Variants in AGMAT observed in about 807,000 individuals in gnomAD.
The protein encoded by AGMAT is guanidino acid hydrolase, mitochondrial.
Under a neutral mutation model 29.3 loss-of-function variants are expected in AGMAT, and 37 were observed. That is an observed-to-expected ratio of 1.26 (90% confidence interval 0.97 to 1.66). AGMAT has a LOEUF of 1.66. AGMAT is among the 40% of genes most tolerant of loss of function. The pLI is 0.00. For missense variants in AGMAT, 498 were observed against 497.8 expected, an observed-to-expected ratio of 1.00 and a Z score of 0.00; for synonymous variants, 199 against 200.8, an observed-to-expected ratio of 0.99 and a Z score of 0.08.
At chr1:15,579,160 A>G in intron 3 of AGMAT, 106 bp from the exon 4 acceptor site, 1 of 1,088,106 alleles carries the variant, frequency 9.2e-7, no homozygotes, top group Non-Finnish European at 1.3e-6. Flanking sequence ...CAAAAAGGGG[A>G]GACCTGGCAT....
At position 15,583,223 on chromosome 1, in the gene AGMAT, C is replaced by T. The variant is rs763180313; in HGVS notation, c.445G>A (p.Val149Ile). 3.1e-6 allele frequency: 5 copies of T among 1,614,098 alleles called. No homozygotes were observed. The highest frequency in any genetic ancestry group is 1.1e-5 in the South Asian group (1 of 91,088). ...RRIQEAYEKI[V>I]AAGCIPLTLG... The stretch of plus-strand genomic sequence containing the variant: ...GTCAGAGGAATACAGCCAGCTGCTA[C>T]AATTTTCTCATAGGCCTCTTGAATT... Residue 149 changes from valine (V) to isoleucine (I), a missense_variant, in exon 2 of 7, where the codon GTA becomes ATA. Physicochemically the swap from Val to Ile is conservative, Grantham distance 29. Transcript: ENST00000375826.
Position 15,585,017 on chromosome 1 carries a change from G to A in AGMAT, c.-50C>T, listed in dbSNP as rs1296686879. On this transcript the variant is annotated 5_prime_UTR_variant, in exon 1 of 7. Coordinates refer to ENST00000375826, the MANE Select transcript of AGMAT (RefSeq NM_024758.5). ...CGACCAAACCGCCCGCGAGGCCGCC[G>A]CGATCTGGCTGGTCCCGAACGGCGA... 1 of 1,281,862 alleles carries A rather than the reference G, an allele frequency of 7.8e-7. No individual in the cohort carries two copies. The highest frequency in any genetic ancestry group is 9.8e-7 in the Non-Finnish European group (1 of 1,017,862). The allele number at this position is 1,281,862 out of a possible 1,614,324, so 79.4% of individuals were successfully genotyped here.
chr1:15,574,728 C>T, intron 6 of AGMAT, 29 bp downstream of exon 6: 1 of 1,589,378 alleles, frequency 6.3e-7, no homozygotes, highest in Non-Finnish European at 8.6e-7. Flanking sequence ...ACCGGCTGCC[C>T]ATGGATCTCA....
intron 5 of AGMAT, among the ~76,000 whole-genome samples, chr1:15,576,792 C>T (rs1639046467): frequency 9.5e-6 from 1 of 105,370 alleles, no homozygotes; most frequent in Non-Finnish European, 1.8e-5. Flanking sequence ...CTCTTTCGCC[C>T]AGGCCAGACT....
intron 6 of AGMAT, 66 bp from the exon 7 acceptor site, chr1:15,573,790 C>T (rs1638993997): frequency 7.2e-7 from 1 of 1,382,712 alleles, no homozygotes; most frequent in South Asian, 1.2e-5. Flanking sequence ...CCTTGGGACT[C>T]CTCAGCTTTC....
intron 5 of AGMAT, among the ~76,000 whole-genome samples, chr1:15,576,737 G>GTTTTTTTTTTTT (rs1420717123): frequency 1.9e-4 from 6 of 31,582 alleles, no homozygotes; most frequent in Non-Finnish European, 2.6e-4. Context: ...CAAGTTTAGT[G>GTTTTTTTTTTTT]TTCTTTTTTT....
chr1:15,573,841 C>T, intron 6 of AGMAT, 117 bp from the exon 7 acceptor site: 5 of 889,912 alleles, frequency 5.6e-6, no homozygotes, highest in South Asian at 3.1e-5. Flanking sequence ...CTGTCTTGTG[C>T]ACCCCTCTAG....
rs748500825 is a variant in AGMAT at position 15,584,828 on chromosome 1, G to A, written c.140C>T (p.Pro47Leu). ...SDAPRNQPPS[P>L]EFVARPVGVC... ...GCCCACCGGCCGGGCCACGAACTCG[G>A]GGCTGGGGGGCTGGTTCCGGGGCGC... Residue 47 changes from proline (P) to leucine (L), a missense_variant, in exon 1 of 7, where the codon CCC becomes CTC. Pro to Leu is a moderately conservative substitution (Grantham distance 98). Coordinates refer to ENST00000375826, the MANE Select transcript of AGMAT (RefSeq NM_024758.5). The A allele has an allele frequency of 7.0e-6, 10 of 1,427,694 alleles. No homozygotes were observed. The highest frequency in any genetic ancestry group is 4.6e-6 in the Non-Finnish European group (5 of 1,094,794). The allele number at this position is 1,427,694 out of a possible 1,614,324, so 88.4% of individuals were successfully genotyped here.
chr1:15,578,927 G>C lies in AGMAT; in HGVS notation c.652C>G (p.Arg218Gly). 2 of 1,614,114 alleles carry C rather than the reference G, an allele frequency of 1.2e-6. No homozygotes were observed. Among genetic ancestry groups the C allele is most frequent in the Middle Eastern group, 1.6e-4 (1 of 6,062 alleles). Residue 218 changes from arginine (R) to glycine (G), a missense_variant, in exon 4 of 7, where the codon CGT becomes GGT. Transcript: ENST00000375826. The stretch of plus-strand genomic sequence containing the variant: ...CCCCGGATGCCAATCTGCACCACAC[G>C]CTTACAGTCCAGGAGACCCTCATCC... ...CVDEGLLDCK[R>G]VVQIGIRGSS... is the part of the protein sequence containing the mutation.
chr1:15,581,854 CA>C (rs543300169), intron 2 of AGMAT, among the ~76,000 whole-genome samples: 58 of 140,316 alleles, frequency 4.1e-4, no homozygotes, highest in East Asian at 1.1e-3. Context: ...AACTCTGTCT[CA>C]AAAAAAAAAA....
intron 2 of AGMAT, 86 bp from the exon 3 acceptor site, chr1:15,580,228 TGTA>T: frequency 9.7e-7 from 1 of 1,030,136 alleles, no homozygotes; most frequent in Non-Finnish European, 1.4e-6. Flanking sequence ...TTTTTTGAGA[TGTA>T]GTTTTGCTCT....
chr1:15,580,044 T>C (rs1303761339), intron 3 of AGMAT, 50 bp downstream of exon 3: 1 of 1,568,408 alleles, frequency 6.4e-7, no homozygotes, highest in East Asian at 2.2e-5. Context: ...ACTCATTCCC[T>C]AGCTTCTGGC....
chr1:15,576,904 C>T (rs1209931303), intron 5 of AGMAT, among the ~76,000 whole-genome samples: 2 of 151,118 alleles, frequency 1.3e-5, no homozygotes, highest in African/African-American at 2.4e-5. Flanking sequence ...CACCCGCCAC[C>T]GCGCCCGGCT....
intron 2 of AGMAT, among the ~76,000 whole-genome samples, chr1:15,580,832 G>A (rs574675900): frequency 1.3e-5 from 2 of 151,862 alleles, no homozygotes; most frequent in South Asian, 2.1e-4. Flanking sequence ...AAAATTAGCC[G>A]GGCATGGTAG....
intron 2 of AGMAT, 61 bp from the exon 3 acceptor site, chr1:15,580,203 T>A: frequency 9.8e-5 from 44 of 449,120 alleles, no homozygotes; most frequent in Non-Finnish European, 1.3e-4. Flanking sequence ...AGAATAATCT[T>A]TTTTTTTTTT....
Position 15,584,870 on chromosome 1 carries a change from C to T in AGMAT, c.98G>A (p.Ser33Asn). ...AGLFHPGRRQSRQASDAPRNQ... is the reference protein window; with the variant it reads ...AGLFHPGRRQNRQASDAPRNQ... The stretch of plus-strand genomic sequence containing the variant: ...CCGGGGCGCGTCGGAAGCCTGGCGG[C>T]TCTGGCGGCGCCCCGGATGAAAGAG... Residue 33 changes from serine to asparagine, a missense_variant, in exon 1 of 7, where the codon AGC (serine) becomes AAC (asparagine). By Grantham distance (46) the Ser-to-Asn change is conservative. Transcript: ENST00000375826. 3 of 1,411,856 alleles carry T rather than the reference C, an allele frequency of 2.1e-6. No individual in the cohort carries two copies. Among genetic ancestry groups the T allele is most frequent in the East Asian group, 2.9e-5 (1 of 34,000 alleles). The allele number at this position is 1,411,856 out of a possible 1,614,324, so 87.5% of individuals were successfully genotyped here.
intron 1 of AGMAT, among the ~76,000 whole-genome samples, chr1:15,583,928 TC>T (rs1166482125): frequency 6.6e-6 from 1 of 152,210 alleles, no homozygotes; most frequent in African/African-American, 2.4e-5. Flanking sequence ...GAATTTTGCT[TC>T]CTCCGACTTG....
chr1:15,573,837 T>C, intron 6 of AGMAT, 113 bp from the exon 7 acceptor site: 2 of 908,258 alleles, frequency 2.2e-6, no homozygotes, highest in Non-Finnish European at 3.5e-6. Context: ...AGCCCTGTCT[T>C]GTGCACCCCT....
At chr1:15,579,582 A>T (rs981276059) in intron 3 of AGMAT, among the ~76,000 whole-genome samples, 3 of 152,094 alleles carry the variant, frequency 2.0e-5, no homozygotes, top group Non-Finnish European at 4.4e-5. Context: ...TGGAGCTGCC[A>T]CCCTCCACCC....
Sources: gnomAD v4.1 joint callset for allele counts (sites outside exome capture counted in the v4.1 genomes callset) on GRCh38, gnomAD v4.1.1 for gene constraint, MANE v1.5 for transcripts, NCBI Gene and HGNC (gene_info 2026-07-23, HGNC 2026-07-21) for gene names.